LUZP2: variants seen among roughly 807,000 people sequenced by gnomAD.
LUZP2 encodes leucine zipper protein 2.
A neutral mutation model predicts 51.6 loss-of-function variants in LUZP2; 52 were observed. That is an observed-to-expected ratio of 1.01 (90% confidence interval 0.81 to 1.27). The LOEUF (loss-of-function observed/expected upper bound fraction) is 1.27. LUZP2 is among the 50% of genes most tolerant of loss of function. The pLI is 0.00. For missense variants in LUZP2, 436 were observed against 395.4 expected, an observed-to-expected ratio of 1.10 and a Z score of -0.87; for synonymous variants, 154 against 137.3, an observed-to-expected ratio of 1.12 and a Z score of -0.85.
chr11:24,731,814 T>C (rs1200930762), intron 2 of LUZP2, among the ~76,000 whole-genome samples: 1 of 151,806 alleles, frequency 6.6e-6, no homozygotes, highest in Non-Finnish European at 1.5e-5. Flanking sequence ...ACAGTAAAAC[T>C]TCAAAGAATG....
intron 7 of LUZP2, among the ~76,000 whole-genome samples, chr11:24,965,033 G>A (rs1488896000): frequency 6.6e-6 from 1 of 151,530 alleles, no homozygotes; most frequent in African/African-American, 2.4e-5. Context: ...TAAAAGCTAT[G>A]TAGAGTATCA....
chr11:24,654,122 G>C (rs1205345979), intron 1 of LUZP2, among the ~76,000 whole-genome samples: 1 of 152,120 alleles, frequency 6.6e-6, no homozygotes. Flanking sequence ...AAAGAGGTCA[G>C]CGCCAAGACA....
intron 4 of LUZP2, among the ~76,000 whole-genome samples, chr11:24,754,851 A>T (rs1279149514): frequency 6.6e-6 from 1 of 152,128 alleles, no homozygotes; most frequent in Non-Finnish European, 1.5e-5. Flanking sequence ...CATCATTTAA[A>T]ACCAAAGACA....
At chr11:24,991,375 T>C (rs1856332376) in intron 9 of LUZP2, among the ~76,000 whole-genome samples, 1 of 79,984 alleles carries the variant, frequency 1.3e-5, no homozygotes, top group Admixed American at 1.7e-4. Flanking sequence ...TGTGTATATA[T>C]ATGTGTGTGT....
At chr11:24,854,436 C>T (rs1564995420) in intron 5 of LUZP2, among the ~76,000 whole-genome samples, 1 of 152,210 alleles carries the variant, frequency 6.6e-6, no homozygotes, top group Non-Finnish European at 1.5e-5. Context: ...GGAAAACCAC[C>T]TACTCAAGCT....
intron 9 of LUZP2, among the ~76,000 whole-genome samples, chr11:24,987,748 A>G (rs1008466699): frequency 7.2e-5 from 11 of 151,962 alleles, no homozygotes; most frequent in African/African-American, 2.7e-4. Context: ...GGAAGTTTAG[A>G]TAGATCAAGG....
intron 5 of LUZP2, among the ~76,000 whole-genome samples, chr11:24,827,013 G>A (rs1850563428): frequency 1.3e-5 from 2 of 152,056 alleles, no homozygotes; most frequent in South Asian, 2.1e-4. Context: ...AAATTATAAT[G>A]TCATTGGGTT....
At chr11:24,720,124 A>T (rs1858207826) in intron 1 of LUZP2, among the ~76,000 whole-genome samples, 2 of 152,220 alleles carry the variant, frequency 1.3e-5, no homozygotes, top group Non-Finnish European at 2.9e-5. Context: ...GTATCTATTA[A>T]AACATTGACT....
chr11:24,692,801 G>A (rs926638649), intron 1 of LUZP2, among the ~76,000 whole-genome samples: 6 of 151,892 alleles, frequency 4.0e-5, no homozygotes, highest in African/African-American at 1.4e-4. Flanking sequence ...TAATTTAGGA[G>A]AATATTAAAT....
At chr11:24,882,976 GAGGA>G (rs147897545) in intron 5 of LUZP2, among the ~76,000 whole-genome samples, 34 of 149,250 alleles carry the variant, frequency 2.3e-4, no homozygotes, top group Admixed American at 4.7e-4. Context: ...AAGAAAGATG[GAGGA>G]AGGAAGGAAG....
At chr11:24,937,095 ATCTTGGGGTCTAGGACTGC>A (rs1854607473) in intron 7 of LUZP2, among the ~76,000 whole-genome samples, 1 of 152,150 alleles carries the variant, frequency 6.6e-6, no homozygotes, top group Non-Finnish European at 1.5e-5. Context: ...AGAAGCACTT[ATCTTGGGGTCTAGGACTGC>A]ATTACATGCT....
intron 1 of LUZP2, among the ~76,000 whole-genome samples, chr11:24,628,750 G>C (rs952071406): frequency 2.0e-5 from 3 of 151,964 alleles, no homozygotes; most frequent in African/African-American, 7.3e-5. Flanking sequence ...GTAGAGTCAG[G>C]GTTTCACCGT....
At chr11:24,610,429 C>T (rs910878601) in intron 1 of LUZP2, among the ~76,000 whole-genome samples, 3 of 152,106 alleles carry the variant, frequency 2.0e-5, no homozygotes, top group African/African-American at 2.4e-5. Context: ...AGACATTTTC[C>T]GTTAAGGAAC....
At position 24,733,408 on chromosome 11, in the gene LUZP2, AT is replaced by A. The variant is rs1858794375; in HGVS notation, c.251+1224del. Among the ~76,000 whole-genome samples the A allele has an allele frequency of 2.0e-5, 3 of 151,794 alleles. No homozygotes were observed. The South Asian group carries it at 6.2e-4, about 31-fold the overall frequency. ...AGTAGTGATAGAGGACATAAGCAAC[AT>A]TTTGAATAGCAATAGTAGAACATTA... On this transcript the variant is annotated intron_variant, in intron 3 of 11. Coordinates refer to ENST00000336930, the MANE Select transcript of LUZP2 (RefSeq NM_001009909.4).
At chr11:24,954,490 C>G (rs976444954) in intron 7 of LUZP2, among the ~76,000 whole-genome samples, 1 of 152,022 alleles carries the variant, frequency 6.6e-6, no homozygotes, top group African/African-American at 2.4e-5. Flanking sequence ...CATCCAGAGA[C>G]TGGGAGTGTG....
At position 25,079,871 on chromosome 11, in the gene LUZP2, A is replaced by C. The variant is rs1340103511; in HGVS notation, c.*1213A>C. 1 of 152,148 alleles carries C rather than the reference A, an allele frequency of 6.6e-6. No individual in the cohort carries two copies. Among genetic ancestry groups the C allele is most frequent in the South Asian group, 2.1e-4 (1 of 4,824 alleles). 9.4% of individuals were successfully genotyped at this position (152,148 alleles called of 1,614,324 possible). On this transcript the variant is annotated 3_prime_UTR_variant, in exon 12 of 12. Transcript: ENST00000336930. ...GGATGGATCTGTCAAACCACAATAT[A>C]TACATTTGGATCAGTGTATCCTAGG...
chr11:25,055,264 C>T (rs1037949231), intron 10 of LUZP2, among the ~76,000 whole-genome samples: 7 of 152,034 alleles, frequency 4.6e-5, no homozygotes, highest in African/African-American at 1.4e-4. Flanking sequence ...CCGCCTTAGC[C>T]TCCCAAAGTG....
At chr11:24,635,765 G>A (rs1190836231) in intron 1 of LUZP2, among the ~76,000 whole-genome samples, 7 of 152,046 alleles carry the variant, frequency 4.6e-5, no homozygotes, top group Non-Finnish European at 1.0e-4. Context: ...GAGTGCTGGG[G>A]AGAACATTTG....
chr11:24,819,649 G>A (rs992473296), intron 5 of LUZP2, among the ~76,000 whole-genome samples: 4 of 151,934 alleles, frequency 2.6e-5, no homozygotes, highest in Admixed American at 2.6e-4. Context: ...AAACATTTAT[G>A]GTACATAGTG....
Sources: allele counts gnomAD v4.1 joint callset (sites outside exome capture counted in the v4.1 genomes callset), GRCh38; gene constraint gnomAD v4.1.1; transcripts MANE v1.5; gene names NCBI Gene and HGNC (gene_info 2026-07-23, HGNC 2026-07-21).